Variants in ATP6V1C2 observed in about 807,000 individuals in gnomAD.
The protein encoded by ATP6V1C2 is ATPase H+ transporting V1 subunit C2.
In ATP6V1C2, 45 loss-of-function variants were observed where a neutral mutation model predicts 56.8. That is an observed-to-expected ratio of 0.79 (90% confidence interval 0.62 to 1.02). ATP6V1C2 has a LOEUF of 1.02. ATP6V1C2 is among the 50% of genes least tolerant of loss of function. The probability of loss-of-function intolerance (pLI) is 0.00; values close to 1 mark genes in which losing one functional copy is unlikely to be tolerated. For missense variants in ATP6V1C2, 463 were observed against 519.7 expected (o/e 0.89, Z 1.06); for synonymous variants, 220 against 201.3 (o/e 1.09, Z -0.79).
At chr2:10,740,314 A>G (rs551118120) in intron 3 of ATP6V1C2, among the ~76,000 whole-genome samples, 1 of 152,160 alleles carries the variant, frequency 6.6e-6, no homozygotes, top group East Asian at 1.9e-4. Flanking sequence ...GTGAGAGTAA[A>G]CATATTTTCA....
At chr2:10,775,649 C>T (rs78632703) in intron 10 of ATP6V1C2, among the ~76,000 whole-genome samples, 3,203 of 152,092 alleles carry the variant, frequency 0.021, 52 homozygotes, top group Middle Eastern at 0.037. Context: ...GCGTAGCTCA[C>T]CAGGGAGCAA....
At chr2:10,777,910 C>T (rs1426823980) in intron 11 of ATP6V1C2, among the ~76,000 whole-genome samples, 188 bp downstream of exon 11, 2 of 152,022 alleles carry the variant, frequency 1.3e-5, no homozygotes, top group African/African-American at 4.8e-5. Context: ...CCCCCGCCAG[C>T]AGTGAAGGGT....
At chr2:10,721,388 C>A (rs756563222), upstream of ATP6V1C2, among the ~76,000 whole-genome samples, 5 of 152,130 alleles carry the variant, frequency 3.3e-5, no homozygotes, top group Non-Finnish European at 7.4e-5. Context: ...CGCAGTCGTG[C>A]GGCAGGAGAC....
At chr2:10,749,886 ATG>A (rs1171921720) in intron 3 of ATP6V1C2, among the ~76,000 whole-genome samples, 1 of 152,244 alleles carries the variant, frequency 6.6e-6, no homozygotes, top group African/African-American at 2.4e-5. Context: ...AGAATTTGTT[ATG>A]ATACAGCTAT....
intron 7 of ATP6V1C2, among the ~76,000 whole-genome samples, 195 bp downstream of exon 7, chr2:10,772,132 G>C (rs1222074755): frequency 6.6e-6 from 1 of 152,194 alleles, no homozygotes; most frequent in African/African-American, 2.4e-5. Flanking sequence ...TTGTGGCCAC[G>C]ATAGAAGCAG....
intron 4 of ATP6V1C2, among the ~76,000 whole-genome samples, chr2:10,761,698 T>G (rs1169393669): frequency 6.6e-6 from 1 of 152,180 alleles, no homozygotes; most frequent in Non-Finnish European, 1.5e-5. Flanking sequence ...CCATGGCCTT[T>G]CCTTGGTGCC....
intron 3 of ATP6V1C2, among the ~76,000 whole-genome samples, chr2:10,738,165 T>C (rs1662361228): frequency 6.6e-6 from 1 of 152,190 alleles, no homozygotes; most frequent in Admixed American, 6.6e-5. Flanking sequence ...AAGACATTTG[T>C]GTTAGATCAT....
chr2:10,729,228 G>A (rs375628766), intron 3 of ATP6V1C2, among the ~76,000 whole-genome samples: 3 of 150,282 alleles, frequency 2.0e-5, no homozygotes, highest in African/African-American at 4.9e-5. Flanking sequence ...AGAGTAGCAC[G>A]ATCTGGGCTC....
intron 4 of ATP6V1C2, among the ~76,000 whole-genome samples, chr2:10,758,627 G>A (rs1350634519): frequency 6.6e-6 from 1 of 151,542 alleles, no homozygotes; most frequent in African/African-American, 2.4e-5. Flanking sequence ...ACAAAACACA[G>A]CATGTGCTAT....
rs920004164 is a variant in ATP6V1C2 at position 10,763,297 on chromosome 2, T to C, written c.284-1034T>C. On this transcript the variant is annotated intron_variant, in intron 4 of 13. Coordinates refer to ENST00000272238, the MANE Select transcript of ATP6V1C2 (RefSeq NM_001039362.2). The surrounding 1 kb of genome is among the most constrained non-coding windows in gnomAD (Gnocchi z 4.2). ...CCCCTTAGCCTCCACGTGAATACCA[T>C]GTCTGTGTCCCAGTGAAGGGACACG... 3.9e-5 allele frequency among the ~76,000 whole-genome samples: 6 copies of C among 152,130 alleles called. No homozygotes were observed. The highest frequency in any genetic ancestry group is 1.2e-4 in the African/African-American group (5 of 41,438).
chr2:10,783,454 C>T lies in ATP6V1C2; in HGVS notation c.*191C>T, dbSNP rs1665520861. On this transcript the variant is annotated 3_prime_UTR_variant, in exon 14 of 14. Transcript: ENST00000272238. ...AATGCTCTCAAGTCCTTTGAATGTTCCAACAAATTCAAAACTTCATTTTCT... is the reference window on the plus strand; with the variant it reads ...AATGCTCTCAAGTCCTTTGAATGTTTCAACAAATTCAAAACTTCATTTTCT... The T allele has an allele frequency of 2.0e-6, 1 of 495,622 alleles. No individual in the cohort carries two copies. The highest frequency in any genetic ancestry group is 2.0e-5 in the African/African-American group (1 of 51,222). 30.7% of individuals were successfully genotyped at this position (495,622 alleles called of 1,614,324 possible).
intron 4 of ATP6V1C2, among the ~76,000 whole-genome samples, chr2:10,758,624 A>C (rs1663693889): frequency 6.6e-6 from 1 of 150,596 alleles, no homozygotes; most frequent in Non-Finnish European, 1.5e-5. Flanking sequence ...AAAACAAAAC[A>C]CAGCATGTGC....
In ATP6V1C2 at chr2:10,763,223, A is replaced by G. The variant is rs1198871; in HGVS notation, c.284-1108A>G. 0.66 allele frequency among the ~76,000 whole-genome samples: 100,808 copies of G among 151,798 alleles called. 34,842 individuals carry two copies. Among genetic ancestry groups the G allele is most frequent in the East Asian group, 0.9 (4,607 of 5,126 alleles). On this transcript the variant is annotated intron_variant, in intron 4 of 13. Transcript: ENST00000272238. The surrounding 1 kb of genome is among the most constrained non-coding windows in gnomAD (Gnocchi z 4.2). Reference sequence around the variant, plus strand: ...GTACGTAGCGCTGCCAGCCCTCCTCACCTGACACCCGGCGCCCTCCATCAC... The same window carrying G: ...GTACGTAGCGCTGCCAGCCCTCCTCGCCTGACACCCGGCGCCCTCCATCAC...
At chr2:10,742,382 CCCTT>C (rs1662605393) in intron 3 of ATP6V1C2, among the ~76,000 whole-genome samples, 1 of 152,200 alleles carries the variant, frequency 6.6e-6, no homozygotes. Context: ...GGAGACCCAA[CCCTT>C]CCTTCTACAA....
rs778886543 is a variant in ATP6V1C2, at chr2:10,777,645, G to A, written c.886G>A (p.Val296Ile). 8.1e-6 allele frequency: 13 copies of A among 1,614,152 alleles called. No homozygotes were observed. Among genetic ancestry groups the A allele is most frequent in the Non-Finnish European group, 1.1e-5 (13 of 1,180,032 alleles). Residue 296 changes from valine (V) to isoleucine (I), a missense_variant, in exon 11 of 14, where the codon GTA becomes ATA. Physicochemically the swap from Val to Ile is conservative, Grantham distance 29. Transcript: ENST00000272238. ...SSTFPDHKVK[V>I]TPLGNPDRPA... Reference sequence around the variant, plus strand: ...CACCTTCCCGGACCACAAGGTTAAGGTAACCCCGCTAGGTAACCCTGATAG... The same window carrying A: ...CACCTTCCCGGACCACAAGGTTAAGATAACCCCGCTAGGTAACCCTGATAG...
chr2:10,737,108 G>T (rs187088532), intron 3 of ATP6V1C2, among the ~76,000 whole-genome samples: 1 of 145,714 alleles, frequency 6.9e-6, no homozygotes, highest in East Asian at 1.9e-4. Context: ...TAATTCTGTT[G>T]CTTTGTTAGA....
chr2:10,771,525 C>T (rs898763648), intron 6 of ATP6V1C2, among the ~76,000 whole-genome samples: 1 of 152,124 alleles, frequency 6.6e-6, no homozygotes, highest in Non-Finnish European at 1.5e-5. Flanking sequence ...GGAGCTGGCA[C>T]CAGGGCAGCG....
At chr2:10,766,953 T>G (rs1011083092) in intron 5 of ATP6V1C2, among the ~76,000 whole-genome samples, 1 of 152,140 alleles carries the variant, frequency 6.6e-6, no homozygotes, top group South Asian at 2.1e-4. Flanking sequence ...GGAAACTGCA[T>G]GGAGGGGACT....
Position 10,760,078 on chromosome 2 carries a change from A to G in ATP6V1C2, c.284-4253A>G, listed in dbSNP as rs1464739276. ...AAAAAAAATATATAAATCTTATTTT[A>G]AAAAGCAAGATCTGGCTGGTCACGG... On this transcript the variant is annotated intron_variant, in intron 4 of 13. Coordinates refer to ENST00000272238, the MANE Select transcript of ATP6V1C2 (RefSeq NM_001039362.2). Among the ~76,000 whole-genome samples, 11 of 132,468 alleles carry G rather than the reference A, an allele frequency of 8.3e-5. No individual in the cohort carries two copies. The Admixed American group carries it at 8.5e-4, about 10-fold the overall frequency. 86.9% of individuals were successfully genotyped at this position (132,468 alleles called of 152,430 possible). A position where few individuals can be genotyped will look rare whatever the true frequency, so the allele number is the denominator to read the frequency against.
Sources: allele counts gnomAD v4.1 joint callset (sites outside exome capture counted in the v4.1 genomes callset), GRCh38; gene constraint gnomAD v4.1.1; non-coding constraint Gnocchi (gnomAD v3.1); transcripts MANE v1.5; gene names NCBI Gene and HGNC (gene_info 2026-07-23, HGNC 2026-07-21).